The following CSMD1 variants were observed in gnomAD, a reference collection of about 807,000 sequenced individuals.
The protein encoded by CSMD1 is CUB and sushi domain-containing protein 1.
A neutral mutation model predicts 417.5 loss-of-function variants in CSMD1; 213 were observed. The observed-to-expected ratio is 0.51, with a 90% CI of 0.46 to 0.57. The LOEUF (loss-of-function observed/expected upper bound fraction) is 0.57. Ranked by LOEUF, CSMD1 falls within the 20% of genes least tolerant of loss-of-function variation. The probability of loss-of-function intolerance (pLI) is 0.00; values close to 1 mark genes in which losing one functional copy is unlikely to be tolerated. For missense variants in CSMD1, 6,923 were observed against 4,529.7 expected, an observed-to-expected ratio of 1.53 and a Z score of -15.17; for synonymous variants, 2,862 against 1,736.8, an observed-to-expected ratio of 1.65 and a Z score of -16.11.
chr8:4,374,218 G>A (rs1802574275), intron 3 of CSMD1, among the ~76,000 whole-genome samples: 2 of 152,064 alleles, frequency 1.3e-5, no homozygotes, highest in African/African-American at 2.4e-5. Flanking sequence ...AGGATTAACA[G>A]CAGTCCCCAC....
rs187929042 is a variant in CSMD1, at chr8:4,155,585, A to C, written c.416-123486T>G. On this transcript the variant is annotated intron_variant, in intron 3 of 69. Coordinates refer to ENST00000635120, the MANE Select transcript of CSMD1 (RefSeq NM_033225.6). ...CGAACGTTCTTATCTTTAAATTGTG[A>C]GTCATTTTTTCAGATAGAGACAAGG... Among the ~76,000 whole-genome samples, 85 of 152,254 alleles carry C rather than the reference A, an allele frequency of 5.6e-4. No individual in the cohort carries two copies. In the Middle Eastern group the frequency reaches 0.01, roughly 18 times the overall value.
intron 9 of CSMD1, among the ~76,000 whole-genome samples, chr8:3,575,306 C>T (rs1800106226): frequency 6.6e-6 from 1 of 152,050 alleles, no homozygotes; most frequent in Admixed American, 6.6e-5. Context: ...TCCCAAAGGC[C>T]TATCCACTCA....
Position 4,053,096 on chromosome 8 carries a change from G to C in CSMD1, c.416-20997C>G, listed in dbSNP as rs1459210017. Among the ~76,000 whole-genome samples the C allele has an allele frequency of 5.3e-5, 8 of 152,082 alleles. No individual in the cohort carries two copies. The East Asian group carries it at 1.4e-3, about 26-fold the overall frequency. ...TGAAAGGATGATTGGAATAAGAAGG[G>C]GCTGATACGAGGACCCCTTGCCCAG... is the stretch of plus-strand genomic sequence containing the variant. On this transcript the variant is annotated intron_variant, in intron 3 of 69. Coordinates refer to ENST00000635120, the MANE Select transcript of CSMD1 (RefSeq NM_033225.6).
intron 1 of CSMD1, among the ~76,000 whole-genome samples, chr8:4,835,184 A>G (rs901906506): frequency 2.6e-5 from 4 of 151,908 alleles, no homozygotes; most frequent in Admixed American, 2.6e-4. Context: ...GAAGCGAAGG[A>G]CAATCAAGAG....
At chr8:3,151,616 C>A in intron 39 of CSMD1, 103 bp from the exon 40 acceptor site, 1 of 710,302 alleles carries the variant, frequency 1.4e-6, no homozygotes, top group Non-Finnish European at 2.4e-6. Context: ...AGCAAGTCTT[C>A]GGAGTTAATT....
chr8:4,364,622 A>T, intron 3 of CSMD1, among the ~76,000 whole-genome samples: 1 of 18,476 alleles, frequency 5.4e-5, no homozygotes, highest in East Asian at 1.4e-3. Flanking sequence ...CAGGAGATCG[A>T]GACCATCCCG....
intron 3 of CSMD1, among the ~76,000 whole-genome samples, chr8:4,330,940 G>A (rs1000681435): frequency 2.0e-5 from 3 of 151,962 alleles, no homozygotes; most frequent in Non-Finnish European, 4.4e-5. Context: ...TTTTCCCCAT[G>A]TTCATTTTTA....
At chr8:3,851,860 G>A (rs1367670781) in intron 5 of CSMD1, among the ~76,000 whole-genome samples, 1 of 152,146 alleles carries the variant, frequency 6.6e-6, no homozygotes, top group Non-Finnish European at 1.5e-5. Flanking sequence ...GAGCAGACAT[G>A]GCCATGCAAA....
intron 7 of CSMD1, among the ~76,000 whole-genome samples, chr8:3,696,166 C>T (rs1172372560): frequency 1.3e-5 from 2 of 152,284 alleles, no homozygotes; most frequent in East Asian, 1.9e-4. Flanking sequence ...GTATCTTCTT[C>T]GGATGTCACA....
At chr8:3,986,040 G>A (rs999476262) in intron 5 of CSMD1, among the ~76,000 whole-genome samples, 1 of 151,774 alleles carries the variant, frequency 6.6e-6, no homozygotes, top group Non-Finnish European at 1.5e-5. Flanking sequence ...TCAAAGCCCT[G>A]TCTTTTCCTC....
In CSMD1 at chr8:3,308,296, C is replaced by G. The variant is rs1021065885; in HGVS notation, c.3823+16G>C. On this transcript the variant is annotated intron_variant, in intron 24 of 69. Coordinates refer to ENST00000635120, the MANE Select transcript of CSMD1 (RefSeq NM_033225.6). ...GCCTGGCTTTTGCACAATGGTATGA[C>G]TGCTTCCACACTCACCTATGCACGA... 13 of 1,588,624 alleles carry G rather than the reference C, an allele frequency of 8.2e-6. No individual in the cohort carries two copies. Among genetic ancestry groups the G allele is most frequent in the African/African-American group, 2.7e-5 (2 of 74,536 alleles).
At chr8:4,018,786 C>G (rs1002760779) in intron 4 of CSMD1, among the ~76,000 whole-genome samples, 1 of 152,156 alleles carries the variant, frequency 6.6e-6, no homozygotes, top group African/African-American at 2.4e-5. Flanking sequence ...GCCAAAGTGT[C>G]CAGGGTCAAA....
intron 2 of CSMD1, among the ~76,000 whole-genome samples, chr8:4,614,104 C>T (rs972949228): frequency 1.4e-4 from 22 of 151,928 alleles, no homozygotes; most frequent in African/African-American, 4.4e-4. Flanking sequence ...AATGTGAGAA[C>T]GGACAGAGAT....
chr8:3,406,817 T>C (rs1314965329), intron 14 of CSMD1, among the ~76,000 whole-genome samples: 1 of 152,248 alleles, frequency 6.6e-6, no homozygotes, highest in Non-Finnish European at 1.5e-5. Flanking sequence ...TAAGTAGATA[T>C]TCTTACATAA....
intron 3 of CSMD1, among the ~76,000 whole-genome samples, chr8:4,350,950 G>C (rs147268046): frequency 6.6e-6 from 1 of 152,128 alleles, no homozygotes; most frequent in Non-Finnish European, 1.5e-5. Flanking sequence ...CTTGCTTTCT[G>C]CAAGTCATCG....
At chr8:3,741,571 C>G (rs1052326257) in intron 6 of CSMD1, among the ~76,000 whole-genome samples, 1 of 152,266 alleles carries the variant, frequency 6.6e-6, no homozygotes, top group African/African-American at 2.4e-5. Flanking sequence ...CATTTTTTGA[C>G]TTCAAGATTA....
intron 3 of CSMD1, among the ~76,000 whole-genome samples, chr8:4,305,211 G>A (rs997195176): frequency 1.3e-5 from 2 of 152,178 alleles, no homozygotes; most frequent in African/African-American, 4.8e-5. Flanking sequence ...CTCCCCAACA[G>A]AGAAGGATGA....
rs1020827491 is a variant in CSMD1 at position 2,936,341 on chromosome 8, G to A, written c.*2244C>T. 2.7e-5 allele frequency: 4 copies of A among 150,532 alleles called. No individual in the cohort carries two copies. Among genetic ancestry groups the A allele is most frequent in the African/African-American group, 9.8e-5 (4 of 40,856 alleles). The allele number at this position is 150,532 out of a possible 1,614,324, so 9.3% of individuals were successfully genotyped here. A position where few individuals can be genotyped will look rare whatever the true frequency, so the allele number is the denominator to read the frequency against. On this transcript the variant is annotated 3_prime_UTR_variant, in exon 70 of 70. Coordinates refer to ENST00000635120, the MANE Select transcript of CSMD1 (RefSeq NM_033225.6). Reference sequence around the variant, plus strand: ...CTCTGAAGTCAGCATTTTGCACCTAGTTTGAATGACTCAAACTTAGATATG... The same window carrying A: ...CTCTGAAGTCAGCATTTTGCACCTAATTTGAATGACTCAAACTTAGATATG...
intron 8 of CSMD1, among the ~76,000 whole-genome samples, chr8:3,593,414 G>A (rs1043540038): frequency 2.6e-5 from 4 of 152,210 alleles, no homozygotes; most frequent in African/African-American, 9.6e-5. Context: ...AGGTCCACCT[G>A]CCTCCAGGGC....
Sources: allele counts gnomAD v4.1 joint callset (sites outside exome capture counted in the v4.1 genomes callset), GRCh38; gene constraint gnomAD v4.1.1; transcripts MANE v1.5; gene names NCBI Gene and HGNC (gene_info 2026-07-23, HGNC 2026-07-21).